GPC4: variants seen among roughly 807,000 people sequenced by gnomAD.
The protein encoded by GPC4 is glypican 4.
GPC4 carries 10 observed loss-of-function variants against 35.0 expected under a neutral mutation model. That is an observed-to-expected ratio of 0.29 (90% CI 0.18 to 0.48). The LOEUF (loss-of-function observed/expected upper bound fraction) is 0.48, where lower values mean the gene tolerates loss of function less well. Ranked by LOEUF, GPC4 falls within the 20% of genes least tolerant of loss-of-function variation. The pLI is 0.99. For missense variants in GPC4, 322 were observed against 451.3 expected, an observed-to-expected ratio of 0.71 and a Z score of 2.60; for synonymous variants, 167 against 170.2, an observed-to-expected ratio of 0.98 and a Z score of 0.15.
chrX:133,404,851 CAA>C (rs763897889), intron 1 of GPC4, among the ~76,000 whole-genome samples: 15 of 20,962 alleles, frequency 7.2e-4, no homozygotes, highest in Admixed American at 1.4e-3. Flanking sequence ...GACCCTGTCT[CAA>C]AAAAAAAAAA....
At chrX:133,378,204 G>C (rs1265141988) in intron 1 of GPC4, among the ~76,000 whole-genome samples, 1 of 111,262 alleles carries the variant, frequency 9.0e-6, no homozygotes, top group African/African-American at 3.3e-5. Flanking sequence ...GGTTTTTAGT[G>C]TATTCAAAGT....
At chrX:133,373,634 G>A (rs1273662308) in intron 1 of GPC4, among the ~76,000 whole-genome samples, 1 of 111,588 alleles carries the variant, frequency 9.0e-6, no homozygotes, top group Admixed American at 9.5e-5. Context: ...GCAAAGGGTA[G>A]TTGATGATCT....
chrX:133,349,593 C>T (rs1236511845), intron 1 of GPC4, among the ~76,000 whole-genome samples: 1 of 112,013 alleles, frequency 8.9e-6, no homozygotes, highest in African/African-American at 3.3e-5. Flanking sequence ...TTCTTACGTA[C>T]ATTTCATGGA....
At chrX:133,384,530 A>G (rs778553724) in intron 1 of GPC4, among the ~76,000 whole-genome samples, 1 of 111,479 alleles carries the variant, frequency 9.0e-6, no homozygotes, top group South Asian at 3.8e-4. Flanking sequence ...CCAATCCAAA[A>G]GCAGACTCTG....
chrX:133,386,230 G>A (rs1017592861), intron 1 of GPC4, among the ~76,000 whole-genome samples: 1 of 81,630 alleles, frequency 1.2e-5, no homozygotes, highest in Non-Finnish European at 2.3e-5. Context: ...AAGAGACCCT[G>A]TCTCAAAAAA....
chrX:133,358,573 T>C (rs2068552362), intron 1 of GPC4, among the ~76,000 whole-genome samples: 1 of 112,143 alleles, frequency 8.9e-6, no homozygotes, highest in Non-Finnish European at 1.9e-5. Context: ...AGGATAAATG[T>C]ATGTCAAATA....
chrX:133,318,637 G>A (rs759318356), intron 3 of GPC4, among the ~76,000 whole-genome samples: 3 of 111,848 alleles, frequency 2.7e-5, no homozygotes, highest in African/African-American at 9.8e-5. Flanking sequence ...AACTCTCTTT[G>A]GCATAGGAGC....
chrX:133,404,546 C>CAAAAAAA (rs766777711), intron 1 of GPC4, among the ~76,000 whole-genome samples: 22 of 37,364 alleles, frequency 5.9e-4, no homozygotes, highest in South Asian at 2.1e-3. Flanking sequence ...GACTCTGCCT[C>CAAAAAAA]AAAAAAAAAA....
chrX:133,342,809 G>GT (rs59935665), intron 1 of GPC4, among the ~76,000 whole-genome samples: 2,116 of 106,168 alleles, frequency 0.02, 53 homozygotes, highest in African/African-American at 0.067. Context: ...AACTAATTAA[G>GT]TTTTTTTTTT....
chrX:133,379,938 C>T (rs2068653352), intron 1 of GPC4, among the ~76,000 whole-genome samples: 1 of 111,368 alleles, frequency 9.0e-6, no homozygotes. Flanking sequence ...AACTGGACTT[C>T]GTTGACCTGG....
intron 1 of GPC4, among the ~76,000 whole-genome samples, chrX:133,407,812 T>C (rs2068796090): frequency 8.9e-6 from 1 of 112,808 alleles, no homozygotes; most frequent in Admixed American, 9.4e-5. Flanking sequence ...TCTTTTACTC[T>C]GCCAGTTAGT....
chrX:133,317,186 G>A (rs776100535), intron 3 of GPC4, among the ~76,000 whole-genome samples: 1 of 111,015 alleles, frequency 9.0e-6, no homozygotes, highest in Admixed American at 9.6e-5. Flanking sequence ...TTAATGATAA[G>A]GTAACTGTAG....
intron 1 of GPC4, among the ~76,000 whole-genome samples, chrX:133,360,461 T>G (rs1317241117): frequency 9.1e-6 from 1 of 110,396 alleles, no homozygotes; most frequent in African/African-American, 3.3e-5. Context: ...CCTAGAAGTA[T>G]AGCAATGGCT....
chrX:133,329,045 C>T, intron 2 of GPC4, among the ~76,000 whole-genome samples: 1 of 111,840 alleles, frequency 8.9e-6, no homozygotes, highest in East Asian at 2.8e-4. Context: ...ACTCCTTGAG[C>T]TCATGAATGG....
chrX:133,407,718 G>A (rs2068795579), intron 1 of GPC4, among the ~76,000 whole-genome samples: 1 of 111,953 alleles, frequency 8.9e-6, no homozygotes, highest in African/African-American at 3.2e-5. Flanking sequence ...TTTGTACCTG[G>A]GCCTTGTGAA....
rs1307963767 is a variant in GPC4 at position 133,305,868 on chromosome X, A to G, written c.1059T>C (p.Ser353=). ...TGAAGGCACTTTCAGAGATGGAACG[A>G]GAAATTCGTCCAGCTGGGAGGGGCT... ...PPKPLPAGRI[S]RSISESAFSA... Residue 353 remains serine (S), a synonymous_variant, in exon 6 of 9, where the codon TCT becomes TCC. Coordinates refer to ENST00000370828, the MANE Select transcript of GPC4 (RefSeq NM_001448.3). 1 of 1,211,626 alleles carries G rather than the reference A, an allele frequency of 8.3e-7. No homozygotes were observed. The highest frequency in any genetic ancestry group is 1.7e-5 in the African/African-American group (1 of 57,709).
intron 4 of GPC4, among the ~76,000 whole-genome samples, chrX:133,309,119 G>A (rs2068303834): frequency 9.0e-6 from 1 of 111,491 alleles, no homozygotes. Flanking sequence ...AAAAGCACTG[G>A]AGATTAACAA....
chrX:133,333,381 C>T (rs759775515), intron 2 of GPC4, among the ~76,000 whole-genome samples: 9 of 112,584 alleles, frequency 8.0e-5, no homozygotes, highest in African/African-American at 2.3e-4. Flanking sequence ...GCTTTGGGCT[C>T]GTAAAGCTGC....
At chrX:133,392,723 A>T in intron 1 of GPC4, among the ~76,000 whole-genome samples, 1 of 109,740 alleles carries the variant, frequency 9.1e-6, no homozygotes, top group East Asian at 2.9e-4. Flanking sequence ...AGACAGCCCC[A>T]AAAGAAGCGG....
Sources: gnomAD v4.1 joint callset for allele counts (sites outside exome capture counted in the v4.1 genomes callset) on GRCh38, gnomAD v4.1.1 for gene constraint, MANE v1.5 for transcripts, NCBI Gene and HGNC (gene_info 2026-07-23, HGNC 2026-07-21) for gene names.